Variants in RALYL observed in about 807,000 individuals in gnomAD.
RALYL encodes the protein RNA-binding Raly-like protein.
Under a neutral mutation model 35.1 loss-of-function variants are expected in RALYL, and 29 were observed. The ratio of observed to expected loss-of-function variants is 0.83; its 90% CI spans 0.61 to 1.13. The LOEUF is 1.13. Ranked by LOEUF, RALYL falls within the 50% of genes most tolerant of loss-of-function variation. The pLI is 0.00. For missense variants in RALYL, 359 were observed against 360.4 expected, an observed-to-expected ratio of 1.00 and a Z score of 0.03; for synonymous variants, 120 against 127.6, an observed-to-expected ratio of 0.94 and a Z score of 0.40.
At chr8:84,471,550 A>C (rs1026421085) in intron 1 of RALYL, among the ~76,000 whole-genome samples, 2 of 151,934 alleles carry the variant, frequency 1.3e-5, no homozygotes, top group Non-Finnish European at 2.9e-5. Context: ...ACAGAGAAAG[A>C]CTCTGTCTCC....
At chr8:84,190,927 G>A (rs1371688526) in intron 1 of RALYL, among the ~76,000 whole-genome samples, 4 of 151,896 alleles carry the variant, frequency 2.6e-5, no homozygotes. Context: ...AATAGAGTTA[G>A]GATGATAGCC....
At chr8:84,340,155 G>A (rs1246062549) in intron 1 of RALYL, among the ~76,000 whole-genome samples, 2 of 152,008 alleles carry the variant, frequency 1.3e-5, no homozygotes. Flanking sequence ...ATGTGAAACT[G>A]TGTGTCCATT....
intron 2 of RALYL, among the ~76,000 whole-genome samples, chr8:84,567,380 A>AG (rs1447341358): frequency 1.3e-5 from 2 of 151,626 alleles, no homozygotes; most frequent in Admixed American, 1.3e-4. Flanking sequence ...CCCTTTTTGG[A>AG]GTCCCCAGTG....
intron 1 of RALYL, among the ~76,000 whole-genome samples, chr8:84,462,671 T>A (rs1239719326): frequency 6.6e-6 from 1 of 151,646 alleles, no homozygotes; most frequent in Non-Finnish European, 1.5e-5. Flanking sequence ...CTTCATTTTG[T>A]AAAACTTATT....
intron 2 of RALYL, among the ~76,000 whole-genome samples, chr8:84,722,962 G>A (rs1844269871): frequency 6.6e-6 from 1 of 151,524 alleles, no homozygotes; most frequent in African/African-American, 2.4e-5. Context: ...AATTTCACAG[G>A]ACACAAAATA....
intron 6 of RALYL, among the ~76,000 whole-genome samples, chr8:84,864,189 TTGTG>T (rs1240341947): frequency 7.5e-6 from 1 of 133,806 alleles, no homozygotes; most frequent in African/African-American, 2.7e-5. Context: ...CATCTTTTCT[TTGTG>T]TGTGTGTTTG....
At chr8:84,251,699 T>C (rs183242121) in intron 1 of RALYL, among the ~76,000 whole-genome samples, 80 of 152,270 alleles carry the variant, frequency 5.3e-4, no homozygotes, top group African/African-American at 1.8e-3. Context: ...TGAAAATATT[T>C]GTATTTTAAT....
At chr8:84,685,047 T>C (rs922509709) in intron 2 of RALYL, among the ~76,000 whole-genome samples, 6 of 152,126 alleles carry the variant, frequency 3.9e-5, no homozygotes, top group Non-Finnish European at 7.4e-5. Flanking sequence ...TCTTTCCTTA[T>C]GAAGGCACTA....
At chr8:84,683,980 G>A (rs1447293130) in intron 2 of RALYL, among the ~76,000 whole-genome samples, 1 of 152,118 alleles carries the variant, frequency 6.6e-6, no homozygotes, top group Non-Finnish European at 1.5e-5. Flanking sequence ...GGGATTACAG[G>A]CGTTGAGCCA....
At chr8:84,835,960 T>C (rs950949860) in intron 4 of RALYL, among the ~76,000 whole-genome samples, 16 of 152,102 alleles carry the variant, frequency 1.1e-4, no homozygotes, top group Non-Finnish European at 1.6e-4. Context: ...AGAAAGGAGC[T>C]ACATTTTGGA....
chr8:84,349,758 T>C lies in RALYL; in HGVS notation c.-24+165334T>C, dbSNP rs368762383. Reference sequence around the variant, plus strand: ...TTTGAGGCTACATCTTCAAGAGATATGCTTAGAAGCATATCACAAGGCTGG... The same window carrying C: ...TTTGAGGCTACATCTTCAAGAGATACGCTTAGAAGCATATCACAAGGCTGG... On this transcript the variant is annotated intron_variant, in intron 1 of 8. Transcript: ENST00000521268. 1.1e-3 allele frequency among the ~76,000 whole-genome samples: 165 copies of C among 150,632 alleles called. 6 individuals are homozygous for C. The South Asian group carries it at 0.033, about 30-fold the overall frequency.
intron 3 of RALYL, among the ~76,000 whole-genome samples, chr8:84,777,945 A>G (rs1485501035): frequency 2.0e-5 from 3 of 151,958 alleles, no homozygotes. Flanking sequence ...CCGGCTTCTG[A>G]GTCTGTTTTC....
At chr8:84,299,570 G>T (rs1840384677) in intron 1 of RALYL, among the ~76,000 whole-genome samples, 1 of 151,956 alleles carries the variant, frequency 6.6e-6, no homozygotes. Flanking sequence ...AATTCCGGTA[G>T]AATTCAACTG....
At chr8:84,672,039 G>C (rs1266509633) in intron 2 of RALYL, among the ~76,000 whole-genome samples, 1 of 152,112 alleles carries the variant, frequency 6.6e-6, no homozygotes, top group African/African-American at 2.4e-5. Flanking sequence ...CTTTGTGAAT[G>C]AATAAAACTA....
At chr8:84,789,170 G>A (rs1416951513) in intron 3 of RALYL, among the ~76,000 whole-genome samples, 2 of 152,170 alleles carry the variant, frequency 1.3e-5, no homozygotes, top group Non-Finnish European at 2.9e-5. Context: ...TCAATGCAGA[G>A]CAACAAATGG....
chr8:84,899,025 T>C (rs1587069124), intron 8 of RALYL, among the ~76,000 whole-genome samples: 1 of 152,188 alleles, frequency 6.6e-6, no homozygotes. Context: ...TGTATGGGGA[T>C]GGATGAGTGA....
At chr8:84,909,701 T>G (rs1335443624) in intron 8 of RALYL, among the ~76,000 whole-genome samples, 1 of 152,108 alleles carries the variant, frequency 6.6e-6, no homozygotes, top group Non-Finnish European at 1.5e-5. Context: ...TTTTTTAATC[T>G]ATAATATGAG....
At chr8:84,564,424 T>A (rs1162786053) in intron 2 of RALYL, among the ~76,000 whole-genome samples, 6 of 151,746 alleles carry the variant, frequency 4.0e-5, no homozygotes, top group Non-Finnish European at 8.9e-5. Context: ...TGCATTTTCA[T>A]AATGTTAACT....
At chr8:84,297,514 C>G (rs1235299530) in intron 1 of RALYL, among the ~76,000 whole-genome samples, 1 of 152,050 alleles carries the variant, frequency 6.6e-6, no homozygotes, top group African/African-American at 2.4e-5. Flanking sequence ...CTGTAATGAA[C>G]ATGCACATGC....
Sources: gnomAD v4.1 joint callset for allele counts (sites outside exome capture counted in the v4.1 genomes callset) on GRCh38, gnomAD v4.1.1 for gene constraint, MANE v1.5 for transcripts, NCBI Gene and HGNC (gene_info 2026-07-23, HGNC 2026-07-21) for gene names.